Variants in RAD18 observed in about 807,000 individuals in gnomAD.
The protein encoded by RAD18 is E3 ubiquitin-protein ligase RAD18.
Under a neutral mutation model 60.4 loss-of-function variants are expected in RAD18, and 47 were observed. The observed-to-expected ratio is 0.78, with a 90% CI of 0.62 to 0.99. RAD18 has a LOEUF of 0.99. Ranked by LOEUF, RAD18 falls within the 50% of genes least tolerant of loss-of-function variation. The probability of loss-of-function intolerance (pLI) is 0.00; values close to 1 mark genes in which losing one functional copy is unlikely to be tolerated. For synonymous variants in RAD18, 225 were observed against 195.5 expected (o/e 1.15, Z -1.26); for missense variants, 640 against 593.3 (o/e 1.08, Z -0.82).
intron 9 of RAD18, among the ~76,000 whole-genome samples, chr3:8,907,858 G>A (rs1336583503): frequency 6.6e-6 from 1 of 152,218 alleles, no homozygotes. Context: ...GCAGGGGCTA[G>A]GACACTGCTA....
intron 7 of RAD18, among the ~76,000 whole-genome samples, chr3:8,922,425 A>G (rs657234): frequency 0.69 from 105,188 of 152,136 alleles, 36,915 homozygotes; most frequent in Middle Eastern, 0.77. Context: ...TGGGAAGCTC[A>G]AACTGGGTGG....
chr3:8,935,852 C>A lies in RAD18; in HGVS notation c.889+19G>T. 5 of 1,521,052 alleles carry A rather than the reference C, an allele frequency of 3.3e-6. No homozygotes were observed. Among genetic ancestry groups the A allele is most frequent in the Non-Finnish European group, 4.4e-6 (5 of 1,131,208 alleles). 94.2% of individuals were successfully genotyped at this position (1,521,052 alleles called of 1,614,324 possible). A position where few individuals can be genotyped will look rare whatever the true frequency, so the allele number is the denominator to read the frequency against. On this transcript the variant is annotated intron_variant, in intron 7 of 12. Transcript: ENST00000264926. ...CTTTATCCAGAAAGTAAGCATAACT[C>A]ACTGTTTTATTACTTTACCTGATTT...
chr3:8,882,106 G>C (rs754682594), intron 12 of RAD18, among the ~76,000 whole-genome samples: 3 of 150,678 alleles, frequency 2.0e-5, no homozygotes, highest in Admixed American at 1.3e-4. Flanking sequence ...AATGGAGAGG[G>C]GCCACTTCAG....
chr3:8,923,749 G>T (rs906563890), intron 7 of RAD18, among the ~76,000 whole-genome samples: 2 of 152,118 alleles, frequency 1.3e-5, no homozygotes, highest in African/African-American at 4.8e-5. Context: ...AAGAAAGTGG[G>T]GGCCAATATT....
In RAD18 at chr3:8,878,309, T is replaced by C. The variant is rs1318404039; in HGVS notation, c.*3048A>G. 2.0e-5 allele frequency: 3 copies of C among 152,176 alleles called. No individual in the cohort carries two copies. Among genetic ancestry groups the C allele is most frequent in the African/African-American group, 7.2e-5 (3 of 41,434 alleles). 9.4% of individuals were successfully genotyped at this position (152,176 alleles called of 1,614,324 possible). On this transcript the variant is annotated 3_prime_UTR_variant, in exon 13 of 13. Coordinates refer to ENST00000264926, the MANE Select transcript of RAD18 (RefSeq NM_020165.4). Reference sequence around the variant, plus strand: ...GTATCATGGGTGTTAATGTAAATACTTGTTTACAGCCTCAGATAGTTGTTC... The same window carrying C: ...GTATCATGGGTGTTAATGTAAATACCTGTTTACAGCCTCAGATAGTTGTTC...
intron 9 of RAD18, among the ~76,000 whole-genome samples, chr3:8,907,682 T>A (rs995689898): frequency 1.3e-5 from 2 of 152,224 alleles, no homozygotes; most frequent in African/African-American, 4.8e-5. Flanking sequence ...TAACTTCAGA[T>A]GGTGCAGCTT....
At chr3:8,939,046 G>C (rs530700298) in intron 6 of RAD18, among the ~76,000 whole-genome samples, 1 of 151,896 alleles carries the variant, frequency 6.6e-6, no homozygotes, top group African/African-American at 2.4e-5. Context: ...GGGTGGTGTG[G>C]GGTATGACAT....
At chr3:8,933,806 T>C (rs1480809196) in intron 7 of RAD18, among the ~76,000 whole-genome samples, 2 of 152,140 alleles carry the variant, frequency 1.3e-5, no homozygotes, top group African/African-American at 4.8e-5. Flanking sequence ...TTTAAAAACT[T>C]ATATGGAAAT....
chr3:8,946,520 T>G (rs1338480275), intron 4 of RAD18, among the ~76,000 whole-genome samples: 9 of 152,240 alleles, frequency 5.9e-5, no homozygotes, highest in Non-Finnish European at 1.2e-4. Flanking sequence ...CTTGCATGAT[T>G]AAAACTAAAA....
At position 8,963,465 on chromosome 3, in the gene RAD18, C is replaced by A; in HGVS notation, c.-80G>T. ...CACCACTCGAAATTCCCCGCGCTAC[C>A]GCATTACGTCAGCAGCCCGCGACGC... is the stretch of plus-strand genomic sequence containing the variant. On this transcript the variant is annotated 5_prime_UTR_variant, in exon 1 of 13. Coordinates refer to ENST00000264926, the MANE Select transcript of RAD18 (RefSeq NM_020165.4). The A allele has an allele frequency of 7.4e-7, 1 of 1,344,416 alleles. No individual in the cohort carries two copies. Among genetic ancestry groups the A allele is most frequent in the Admixed American group, 2.2e-5 (1 of 44,536 alleles). The allele number at this position is 1,344,416 out of a possible 1,614,324, so 83.3% of individuals were successfully genotyped here.
rs569022372 is a variant in RAD18, at chr3:8,895,595, C to T, written c.1322+3299G>A. 3.8e-3 allele frequency among the ~76,000 whole-genome samples: 577 copies of T among 152,226 alleles called. 4 individuals carry two copies. Among genetic ancestry groups the T allele is most frequent in the Non-Finnish European group, 4.7e-3 (322 of 68,022 alleles). The stretch of plus-strand genomic sequence containing the variant: ...ACGATTAACACTGATGAGATGATTT[C>T]CAAAACTTTATAAAGAGTAAGGTTT... On this transcript the variant is annotated intron_variant, in intron 11 of 12. Transcript: ENST00000264926.
chr3:8,949,322 A>T (rs921738658), intron 2 of RAD18, among the ~76,000 whole-genome samples: 4 of 152,174 alleles, frequency 2.6e-5, no homozygotes, highest in African/African-American at 9.6e-5. Flanking sequence ...AGACAGTACA[A>T]TTTCAGTACA....
chr3:8,928,203 C>T (rs565251757), intron 7 of RAD18, among the ~76,000 whole-genome samples: 7 of 150,960 alleles, frequency 4.6e-5, no homozygotes, highest in East Asian at 1.9e-4. Flanking sequence ...AAGTATAGCT[C>T]GTAAAATGAA....
At chr3:8,943,928 C>T (rs1377263349) in intron 4 of RAD18, among the ~76,000 whole-genome samples, 1 of 151,990 alleles carries the variant, frequency 6.6e-6, no homozygotes, top group African/African-American at 2.4e-5. Context: ...AAATGAACAG[C>T]AAACTAAACC....
intron 12 of RAD18, among the ~76,000 whole-genome samples, chr3:8,885,231 G>T (rs1939537729): frequency 6.6e-6 from 1 of 152,142 alleles, no homozygotes. Context: ...AAGGACCACT[G>T]TAAACAGGCC....
At chr3:8,925,634 CT>C (rs1170087880) in intron 7 of RAD18, among the ~76,000 whole-genome samples, 3 of 152,270 alleles carry the variant, frequency 2.0e-5, no homozygotes, top group African/African-American at 7.2e-5. Flanking sequence ...ACCAATACCC[CT>C]GATGAACATC....
At chr3:8,911,720 C>A (rs1486767081) in intron 9 of RAD18, among the ~76,000 whole-genome samples, 1 of 152,170 alleles carries the variant, frequency 6.6e-6, no homozygotes, top group Non-Finnish European at 1.5e-5. Context: ...CCTGGGAATA[C>A]TGATTCAATG....
chr3:8,923,803 C>T (rs1394985857), intron 7 of RAD18, among the ~76,000 whole-genome samples: 1 of 152,148 alleles, frequency 6.6e-6, no homozygotes, highest in Non-Finnish European at 1.5e-5. Flanking sequence ...AATTTCATAT[C>T]CAGCCAAACT....
rs755987758 is a variant in RAD18, at chr3:8,948,542, C to G, written c.162G>C (p.Leu54=). Residue 54 remains leucine (L), a synonymous_variant, in exon 3 of 13, where the codon CTG becomes CTC. Coordinates refer to ENST00000264926, the MANE Select transcript of RAD18 (RefSeq NM_020165.4). ...NYCSLCIRKF[L]SYKTQCPTCC... ...AAGTTGGACACTGAGTTTTATAGGA[C>G]AGAAATTTTCTTATACAGAGAGAGC... is the stretch of plus-strand genomic sequence containing the variant. The G allele has an allele frequency of 1.2e-6, 2 of 1,612,858 alleles. No individual in the cohort carries two copies. Among genetic ancestry groups the G allele is most frequent in the South Asian group, 1.1e-5 (1 of 90,894 alleles).
Sources: allele counts gnomAD v4.1 joint callset (sites outside exome capture counted in the v4.1 genomes callset), GRCh38; gene constraint gnomAD v4.1.1; transcripts MANE v1.5; gene names NCBI Gene and HGNC (gene_info 2026-07-23, HGNC 2026-07-21).